The following HPSE2 variants were observed in gnomAD, a reference collection of about 807,000 sequenced individuals.
HPSE2 encodes the protein heparanase 2 (inactive), also known as inactive heparanase-2.
In HPSE2, 38 loss-of-function variants were observed where a neutral mutation model predicts 60.5. The ratio of observed to expected loss-of-function variants is 0.63; its 90% CI spans 0.48 to 0.82. The LOEUF (loss-of-function observed/expected upper bound fraction) is 0.82, where lower values mean the gene tolerates loss of function less well. Among genes scored for constraint, HPSE2 ranks in the 40% least tolerant of loss-of-function variants. The probability of loss-of-function intolerance (pLI) is 0.00; values close to 1 mark genes in which losing one functional copy is unlikely to be tolerated. For synonymous variants in HPSE2, 295 were observed against 293.2 expected, an observed-to-expected ratio of 1.01 and a Z score of -0.06; for missense variants, 713 against 740.4, an observed-to-expected ratio of 0.96 and a Z score of 0.43.
intron 3 of HPSE2, among the ~76,000 whole-genome samples, chr10:98,933,932 CTG>C (rs1419944670): frequency 7.0e-6 from 1 of 142,706 alleles, no homozygotes; most frequent in Non-Finnish European, 1.5e-5. Flanking sequence ...CGGAGTTTCA[CTG>C]TGTTAGCCAG....
Position 99,014,742 on chromosome 10 carries a change from T to C in HPSE2, c.610+129496A>G, listed in dbSNP as rs116851922. ...TCTTCACGACTGTCGGTTGCATGTA[T>C]GTCTTCTTTTAAACATGGGCAAGGA... On this transcript the variant is annotated intron_variant, in intron 3 of 11. Transcript: ENST00000370552. 7.7e-3 allele frequency among the ~76,000 whole-genome samples: 1,169 copies of C among 152,304 alleles called. 7 individuals are homozygous for C. Among genetic ancestry groups the C allele is most frequent in the South Asian group, 0.015 (74 of 4,830 alleles).
intron 3 of HPSE2, among the ~76,000 whole-genome samples, chr10:99,107,166 T>C (rs1844282332): frequency 6.6e-6 from 1 of 152,174 alleles, no homozygotes; most frequent in Admixed American, 6.6e-5. Context: ...CCACCACATC[T>C]GGCCTCTGAC....
chr10:99,203,867 A>AGCGCCAGGC (rs77796243), intron 2 of HPSE2, among the ~76,000 whole-genome samples: 3 of 151,370 alleles, frequency 2.0e-5, no homozygotes, highest in African/African-American at 7.3e-5. Context: ...AGAAGCCAGG[A>AGCGCCAGGC]CCGCTCCACC....
chr10:98,583,600 C>T (rs1353814407), intron 9 of HPSE2, among the ~76,000 whole-genome samples: 2 of 152,176 alleles, frequency 1.3e-5, no homozygotes, highest in Admixed American at 6.5e-5. Flanking sequence ...TCCTCTTTTC[C>T]CCCAATAAAA....
chr10:98,994,292 C>G, intron 3 of HPSE2, among the ~76,000 whole-genome samples: 1 of 152,146 alleles, frequency 6.6e-6, no homozygotes, highest in East Asian at 1.9e-4. Context: ...CACAGCAGCC[C>G]ATAGGAGGGC....
At chr10:99,191,965 T>C (rs1270449551) in intron 2 of HPSE2, among the ~76,000 whole-genome samples, 5 of 152,100 alleles carry the variant, frequency 3.3e-5, no homozygotes, top group Non-Finnish European at 7.4e-5. Flanking sequence ...AATCTGGAGA[T>C]GAAAAATGCA....
At chr10:98,572,508 G>A (rs1473900823) in intron 9 of HPSE2, among the ~76,000 whole-genome samples, 1 of 152,078 alleles carries the variant, frequency 6.6e-6, no homozygotes. Flanking sequence ...ACGGATGCCT[G>A]GGGTTGGATT....
chr10:99,186,195 A>G (rs561100462), intron 2 of HPSE2, among the ~76,000 whole-genome samples: 13 of 152,014 alleles, frequency 8.6e-5, no homozygotes, highest in African/African-American at 3.1e-4. Context: ...ACAGACAAAG[A>G]GAAAATCTTG....
At position 98,737,228 on chromosome 10, in the gene HPSE2, T is replaced by C. The variant is rs1358473868; in HGVS notation, c.784+6655A>G. 3.2e-5 allele frequency among the ~76,000 whole-genome samples: 3 copies of C among 93,298 alleles called. 1 individual carries two copies. Among genetic ancestry groups the C allele is most frequent in the Non-Finnish European group, 6.7e-5 (3 of 44,526 alleles). The allele number at this position is 93,298 out of a possible 152,430, so 61.2% of individuals were successfully genotyped here. On this transcript the variant is annotated intron_variant, in intron 4 of 11. Coordinates refer to ENST00000370552, the MANE Select transcript of HPSE2 (RefSeq NM_021828.5). ...TTATGTTTGGCTTTCACCTGTTATA[T>C]ACACATAAAAATACAGGACCAAAAT...
chr10:98,683,679 A>G (rs1361672092), intron 6 of HPSE2, among the ~76,000 whole-genome samples: 4 of 152,034 alleles, frequency 2.6e-5, no homozygotes, highest in Admixed American at 1.3e-4. Flanking sequence ...TAAAAATTAG[A>G]GTACTGTTTG....
chr10:98,582,293 C>T (rs957546754), intron 9 of HPSE2, among the ~76,000 whole-genome samples: 4 of 152,168 alleles, frequency 2.6e-5, no homozygotes, highest in African/African-American at 9.7e-5. Flanking sequence ...TGAAATGGAA[C>T]AATACCTTTA....
intron 4 of HPSE2, among the ~76,000 whole-genome samples, chr10:98,742,885 C>A (rs1949533735): frequency 6.6e-6 from 1 of 151,880 alleles, no homozygotes. Context: ...CTATGAGTCC[C>A]CTCGTTAAAA....
chr10:98,824,656 A>G (rs1321462078), intron 3 of HPSE2, among the ~76,000 whole-genome samples: 1 of 152,180 alleles, frequency 6.6e-6, no homozygotes, highest in African/African-American at 2.4e-5. Context: ...TGCTTATCCT[A>G]CTAAAATTAT....
intron 9 of HPSE2, among the ~76,000 whole-genome samples, chr10:98,531,449 G>A (rs1484305105): frequency 1.3e-5 from 2 of 152,202 alleles, no homozygotes; most frequent in South Asian, 2.1e-4. Flanking sequence ...ATCCAAGGGT[G>A]TCTTCCAGCC....
intron 3 of HPSE2, among the ~76,000 whole-genome samples, chr10:99,105,070 A>AG (rs1399657939): frequency 1.3e-5 from 2 of 151,852 alleles, no homozygotes; most frequent in Non-Finnish European, 2.9e-5. Context: ...ATAAAAAAAA[A>AG]AAAAAAGAAA....
chr10:98,885,490 T>C (rs1222397047), intron 3 of HPSE2, among the ~76,000 whole-genome samples: 1 of 152,150 alleles, frequency 6.6e-6, no homozygotes, highest in Non-Finnish European at 1.5e-5. Flanking sequence ...AAAACTTTCA[T>C]GAAAAGAAGA....
At chr10:99,132,599 G>A (rs950958276) in intron 3 of HPSE2, among the ~76,000 whole-genome samples, 3 of 152,074 alleles carry the variant, frequency 2.0e-5, no homozygotes, top group Admixed American at 6.5e-5. Flanking sequence ...AGAGCAAGAC[G>A]AAGGAGGGTG....
intron 7 of HPSE2, among the ~76,000 whole-genome samples, chr10:98,620,933 C>T (rs1203754996): frequency 6.6e-6 from 1 of 152,132 alleles, no homozygotes; most frequent in East Asian, 1.9e-4. Flanking sequence ...TCATTTTTCC[C>T]TAAGTAAACC....
chr10:98,511,942 G>C (rs1301490597), intron 9 of HPSE2, among the ~76,000 whole-genome samples: 1 of 152,180 alleles, frequency 6.6e-6, no homozygotes, highest in Admixed American at 6.5e-5. Flanking sequence ...AGCCTGTTGT[G>C]TGGTTTCCAA....
Sources: gnomAD v4.1 joint callset for allele counts (sites outside exome capture counted in the v4.1 genomes callset) on GRCh38, gnomAD v4.1.1 for gene constraint, MANE v1.5 for transcripts, NCBI Gene and HGNC (gene_info 2026-07-23, HGNC 2026-07-21) for gene names.